Variants in ARMC2 observed in about 807,000 individuals in gnomAD.
ARMC2 encodes armadillo repeat containing 2, also known as armadillo repeat-containing protein 2.
Under a neutral mutation model 90.3 loss-of-function variants are expected in ARMC2, and 67 were observed. That is an observed-to-expected ratio of 0.74 (90% CI 0.61 to 0.91). The LOEUF is 0.91. Ranked by LOEUF, ARMC2 falls within the 40% of genes least tolerant of loss-of-function variation. ARMC2 has a pLI of 0.00. For missense variants in ARMC2, 920 were observed against 1,030.9 expected (o/e 0.89, Z 1.47); for synonymous variants, 393 against 393.0 (o/e 1.00, Z 0.00).
At chr6:109,045,536 A>G in the ARMC2 span, among the ~76,000 whole-genome samples, 507 of 152,338 alleles carry the variant, frequency 3.3e-3, no homozygotes, top group African/African-American at 9.8e-3. Flanking sequence ...CTTCAAACAC[A>G]GTAAATCTCA....
chr6:108,891,596 A>T (rs1170126195), intron 5 of ARMC2, among the ~76,000 whole-genome samples: 12 of 150,956 alleles, frequency 7.9e-5, no homozygotes, highest in East Asian at 1.9e-4. Context: ...TTTTGATGGA[A>T]TTTTTTTTTC....
intron 10 of ARMC2, 134 bp downstream of exon 10, chr6:108,912,692 T>A: frequency 1.3e-6 from 1 of 746,504 alleles, no homozygotes; most frequent in Non-Finnish European, 2.2e-6. Context: ...GCAGCAGCCA[T>A]AGCCCACCTC....
At chr6:108,938,060 T>A (rs1185140239) in intron 12 of ARMC2, among the ~76,000 whole-genome samples, 1 of 152,240 alleles carries the variant, frequency 6.6e-6, no homozygotes, top group Non-Finnish European at 1.5e-5. Context: ...CTACTTTTAT[T>A]CACTTTCATA....
the ARMC2 span, among the ~76,000 whole-genome samples, chr6:109,036,917 CA>C: frequency 6.6e-6 from 1 of 152,134 alleles, no homozygotes; most frequent in East Asian, 1.9e-4. Flanking sequence ...ACTGCCCCAT[CA>C]GTACTAACAA....
At chr6:108,916,997 A>G (rs1250798278) in intron 10 of ARMC2, among the ~76,000 whole-genome samples, 1 of 152,210 alleles carries the variant, frequency 6.6e-6, no homozygotes, top group African/African-American at 2.4e-5. Context: ...CAATGTACTT[A>G]CATTAACAGC....
the ARMC2 span, chr6:109,009,535 G>GC: frequency 8.7e-7 from 1 of 1,155,112 alleles, no homozygotes. Context: ...TGGCTGCAGC[G>GC]CCTCAGTCAG....
chr6:108,897,321 G>A (rs931559398), intron 6 of ARMC2, among the ~76,000 whole-genome samples: 1 of 152,190 alleles, frequency 6.6e-6, no homozygotes, highest in African/African-American at 2.4e-5. Flanking sequence ...CACCACATCT[G>A]ATTCCAAAGG....
At chr6:109,005,980 T>C in the ARMC2 span, among the ~76,000 whole-genome samples, 1 of 152,284 alleles carries the variant, frequency 6.6e-6, no homozygotes, top group East Asian at 1.9e-4. Flanking sequence ...CACTAGTCAA[T>C]GATATCTGAG....
At chr6:108,945,583 C>G (rs565419230) in intron 12 of ARMC2, among the ~76,000 whole-genome samples, 1 of 152,350 alleles carries the variant, frequency 6.6e-6, no homozygotes, top group South Asian at 2.1e-4. Context: ...AACTGCCAGA[C>G]TCATTCTTGG....
intron 10 of ARMC2, among the ~76,000 whole-genome samples, chr6:108,918,431 A>G (rs925747451): frequency 2.6e-5 from 4 of 152,028 alleles, no homozygotes; most frequent in African/African-American, 9.7e-5. Flanking sequence ...TCAATCTTAC[A>G]TAGTTCTTTA....
intron 8 of ARMC2, chr6:108,907,483 T>A: frequency 2.3e-6 from 1 of 426,490 alleles, no homozygotes. Context: ...TTTTTACCAG[T>A]CATCTTTTAT....
the ARMC2 span, among the ~76,000 whole-genome samples, chr6:109,050,941 T>C: frequency 2.0e-5 from 3 of 152,182 alleles, no homozygotes; most frequent in Non-Finnish European, 2.9e-5. Flanking sequence ...GCCACCTCCA[T>C]AGAAATAATA....
At chr6:108,898,449 G>A (rs754420766) in intron 6 of ARMC2, among the ~76,000 whole-genome samples, 8 of 152,150 alleles carry the variant, frequency 5.3e-5, no homozygotes, top group East Asian at 1.9e-4. Context: ...ACCAAGTGCC[G>A]GATAAAGGAC....
rs77831834 is a variant in ARMC2, at chr6:108,860,849, G to A, written c.291+2578G>A. On this transcript the variant is annotated intron_variant, in intron 3 of 17. Coordinates refer to ENST00000392644, the MANE Select transcript of ARMC2 (RefSeq NM_032131.6). ...TTCTCTGTAAAGAAGTATCTTCCAC[G>A]CTGTTTCCTGGATGTTAAAGTCTGG... is the stretch of plus-strand genomic sequence containing the variant. Among the ~76,000 whole-genome samples the A allele has an allele frequency of 2.9e-3, 440 of 152,174 alleles. 1 individual carries two copies. The highest frequency in any genetic ancestry group is 0.01 in the African/African-American group (423 of 41,494).
At chr6:108,899,346 C>T (rs1049673975) in intron 6 of ARMC2, among the ~76,000 whole-genome samples, 1 of 152,096 alleles carries the variant, frequency 6.6e-6, no homozygotes, top group Non-Finnish European at 1.5e-5. Context: ...CTTTATATAT[C>T]TATAGTTACC....
chr6:108,930,898 ACCCCC>A (rs1775508303), intron 11 of ARMC2, among the ~76,000 whole-genome samples: 11 of 120,034 alleles, frequency 9.2e-5, no homozygotes, highest in African/African-American at 3.1e-4. Context: ...CCCGGCCCCC[ACCCCC>A]TTTTTTTTTT....
chr6:108,874,581 G>A (rs1776752879), intron 4 of ARMC2, among the ~76,000 whole-genome samples: 1 of 152,130 alleles, frequency 6.6e-6, no homozygotes, highest in Non-Finnish European at 1.5e-5. Context: ...TAACTTCTAG[G>A]TTTTGAGCGT....
chr6:108,964,337 G>C (rs1316465955), intron 16 of ARMC2, 25 bp downstream of exon 16: 2 of 1,607,132 alleles, frequency 1.2e-6, no homozygotes, highest in Non-Finnish European at 1.7e-6. Context: ...GTAGAGTACT[G>C]ACTCTCTCAG....
At chr6:108,854,533 G>C in intron 2 of ARMC2, 48 bp downstream of exon 2, 1 of 1,534,772 alleles carries the variant, frequency 6.5e-7, no homozygotes, top group Non-Finnish European at 9.0e-7. Flanking sequence ...TAAGCACCAG[G>C]TTATACCTTC....
Sources: gnomAD v4.1 joint callset for allele counts (sites outside exome capture counted in the v4.1 genomes callset) on GRCh38, gnomAD v4.1.1 for gene constraint, MANE v1.5 for transcripts, NCBI Gene and HGNC (gene_info 2026-07-23, HGNC 2026-07-21) for gene names.